C10orf67: variants seen among roughly 807,000 people sequenced by gnomAD.
C10orf67 encodes chromosome 10 open reading frame 67, also known as uncharacterized protein C10orf67, mitochondrial.
In C10orf67, 60 loss-of-function variants were observed where a neutral mutation model predicts 35.6. The ratio of observed to expected loss-of-function variants is 1.68; its 90% confidence interval spans 1.37 to 2.09. The LOEUF (loss-of-function observed/expected upper bound fraction) is 2.09, where lower values mean the gene tolerates loss of function less well. Among genes scored for constraint, C10orf67 ranks in the 30% most tolerant of loss-of-function variants. The pLI, the probability that C10orf67 is intolerant of heterozygous loss-of-function variation, is 0.00. For missense variants in C10orf67, 474 were observed against 330.2 expected (o/e 1.44, Z -3.38); for synonymous variants, 167 against 115.8 (o/e 1.44, Z -2.84).
intron 2 of C10orf67, among the ~76,000 whole-genome samples, chr10:23,323,510 T>C (rs1229759036): frequency 2.0e-5 from 3 of 152,048 alleles, no homozygotes; most frequent in Non-Finnish European, 4.4e-5. Context: ...TTATTCTCTA[T>C]GTAATCTTCC....
At chr10:23,216,185 C>G (rs973988302) in intron 15 of C10orf67, among the ~76,000 whole-genome samples, 1 of 152,024 alleles carries the variant, frequency 6.6e-6, no homozygotes, top group Non-Finnish European at 1.5e-5. Context: ...AAGAACCACC[C>G]AATTATAGAA....
At chr10:23,236,553 C>G (rs527590463) in intron 13 of C10orf67, among the ~76,000 whole-genome samples, 1 of 152,042 alleles carries the variant, frequency 6.6e-6, no homozygotes, top group East Asian at 1.9e-4. Flanking sequence ...GATGCAGTCA[C>G]TTTGGAGTAC....
At chr10:23,298,955 T>C (rs1360368327) in intron 5 of C10orf67, among the ~76,000 whole-genome samples, 3 of 152,188 alleles carry the variant, frequency 2.0e-5, no homozygotes. Context: ...TCCTGAACCC[T>C]TGGGGTAAAA....
chr10:23,323,902 T>C (rs1475712753), intron 2 of C10orf67, among the ~76,000 whole-genome samples: 1 of 8,092 alleles, frequency 1.2e-4, no homozygotes. Context: ...TAAATATATA[T>C]ATATATATAT....
chr10:23,303,301 T>TTTGTGA lies in C10orf67; in HGVS notation c.702+2_702+3insTCACAA. 1.8e-6 allele frequency: 1 copy of TTTGTGA among 545,310 alleles called. No homozygotes were observed. Among genetic ancestry groups the TTTGTGA allele is most frequent in the Non-Finnish European group, 3.3e-6 (1 of 302,754 alleles). The allele number at this position is 545,310 out of a possible 1,614,324, so 33.8% of individuals were successfully genotyped here. A position where few individuals can be genotyped will look rare whatever the true frequency, so the allele number is the denominator to read the frequency against. Reference sequence around the variant, plus strand: ...ATTAATTATTCCTTGCCTTGAAACTTACCATTTTGTGAAATCCAAAATCTT... The same window carrying TTTGTGA: ...ATTAATTATTCCTTGCCTTGAAACTTTTGTGAACCATTTTGTGAAATCCAAAATCTT... On this transcript the variant is annotated splice_region_variant and intron_variant, in intron 5 of 15. Transcript: ENST00000636213.
intron 15 of C10orf67, among the ~76,000 whole-genome samples, chr10:23,222,310 C>G (rs1841606036): frequency 2.0e-5 from 3 of 152,066 alleles, no homozygotes; most frequent in African/African-American, 7.2e-5. Context: ...AGTCAATTTT[C>G]AAGGCAAAAT....
intron 15 of C10orf67, among the ~76,000 whole-genome samples, chr10:23,206,219 GT>G (rs1185642487): frequency 6.6e-6 from 1 of 152,206 alleles, no homozygotes; most frequent in Admixed American, 6.5e-5. Flanking sequence ...CAATGGAATG[GT>G]TTGCACAATG....
intron 5 of C10orf67, among the ~76,000 whole-genome samples, chr10:23,301,783 C>CA (rs1844085619): frequency 6.6e-6 from 1 of 152,200 alleles, no homozygotes; most frequent in Admixed American, 6.5e-5. Context: ...TTGGGCCATG[C>CA]AGTGAGTGTT....
chr10:23,291,702 AG>A (rs1324087797), intron 5 of C10orf67, among the ~76,000 whole-genome samples: 1 of 151,942 alleles, frequency 6.6e-6, no homozygotes, highest in East Asian at 1.9e-4. Context: ...ATGGCTAAGG[AG>A]GGGGGCTTGT....
chr10:23,324,651 G>C (rs1388166859), intron 2 of C10orf67, among the ~76,000 whole-genome samples: 2 of 152,150 alleles, frequency 1.3e-5, no homozygotes. Context: ...TGCCTTCCTA[G>C]CTTTGAGTTG....
In C10orf67 at chr10:23,284,206, C is replaced by G. The variant is rs77256725; in HGVS notation, c.910-2128G>C. Among the ~76,000 whole-genome samples the G allele has an allele frequency of 9.5e-3, 1,440 of 152,004 alleles. 17 individuals are homozygous for G. The highest frequency in any genetic ancestry group is 0.049 in the East Asian group (251 of 5,164). The stretch of plus-strand genomic sequence containing the variant: ...ATTCTTCCATTTCCTGCTTACACCC[C>G]CTTCCCCACACCCCTGGTCTCCCCA... On this transcript the variant is annotated intron_variant, in intron 7 of 15. Coordinates refer to ENST00000636213, the MANE Select transcript of C10orf67 (RefSeq NM_001371909.1).
intron 4 of C10orf67, among the ~76,000 whole-genome samples, chr10:23,314,852 A>G (rs1313113045): frequency 6.6e-6 from 1 of 152,220 alleles, no homozygotes; most frequent in Admixed American, 6.5e-5. Flanking sequence ...ACATAATTAC[A>G]TACAACTCTT....
At chr10:23,240,788 T>C (rs112472784) in intron 12 of C10orf67, among the ~76,000 whole-genome samples, 245 of 152,338 alleles carry the variant, frequency 1.6e-3, no homozygotes, top group Non-Finnish European at 2.4e-3. Flanking sequence ...GATGAGATTA[T>C]CTAGGAAAGA....
intron 12 of C10orf67, among the ~76,000 whole-genome samples, chr10:23,241,088 C>T (rs1842166086): frequency 6.6e-6 from 1 of 152,210 alleles, no homozygotes. Flanking sequence ...AGAGAATTAG[C>T]CCAGGCCTTG....
chr10:23,288,812 T>C (rs1564491811), intron 7 of C10orf67, among the ~76,000 whole-genome samples: 1 of 152,206 alleles, frequency 6.6e-6, no homozygotes, highest in Non-Finnish European at 1.5e-5. Context: ...AAGATATTTA[T>C]GTTTATTTGG....
intron 1 of C10orf67, among the ~76,000 whole-genome samples, chr10:23,339,679 T>C (rs1225879931): frequency 1.3e-5 from 2 of 152,218 alleles, no homozygotes; most frequent in African/African-American, 4.8e-5. Context: ...TTCCTCTTCC[T>C]CAGACCTGGA....
chr10:23,222,368 C>A (rs1390096987), intron 15 of C10orf67, among the ~76,000 whole-genome samples: 1 of 152,074 alleles, frequency 6.6e-6, no homozygotes, highest in Non-Finnish European at 1.5e-5. Context: ...AATTAAACTT[C>A]CTAAATAAAA....
intron 1 of C10orf67, among the ~76,000 whole-genome samples, chr10:23,340,738 T>C (rs1250423826): frequency 6.6e-6 from 1 of 152,170 alleles, no homozygotes; most frequent in East Asian, 1.9e-4. Flanking sequence ...CACAACAAAT[T>C]AGCTAAGTGG....
At chr10:23,214,552 G>C (rs1182359095) in intron 15 of C10orf67, among the ~76,000 whole-genome samples, 1 of 151,806 alleles carries the variant, frequency 6.6e-6, no homozygotes, top group East Asian at 1.9e-4. Flanking sequence ...TAAGCTAGAG[G>C]AAAAAACAGA....
Sources: gnomAD v4.1 joint callset for allele counts (sites outside exome capture counted in the v4.1 genomes callset) on GRCh38, gnomAD v4.1.1 for gene constraint, MANE v1.5 for transcripts, NCBI Gene and HGNC (gene_info 2026-07-23, HGNC 2026-07-21) for gene names.